The following INPP4A variants were observed in gnomAD, a reference collection of about 807,000 sequenced individuals.
The protein encoded by INPP4A is inositol polyphosphate-4-phosphatase, type I, 107kD.
INPP4A carries 33 observed loss-of-function variants against 119.8 expected under a neutral mutation model. The ratio of observed to expected loss-of-function variants is 0.28; its 90% CI spans 0.21 to 0.37. The LOEUF (loss-of-function observed/expected upper bound fraction) is 0.37. Among genes scored for constraint, INPP4A ranks in the 10% least tolerant of loss-of-function variants. The pLI, the probability that INPP4A is intolerant of heterozygous loss-of-function variation, is 1.00. For missense variants in INPP4A, 956 were observed against 1,289.9 expected, an observed-to-expected ratio of 0.74 and a Z score of 3.97; for synonymous variants, 496 against 500.7, an observed-to-expected ratio of 0.99 and a Z score of 0.12.
chr2:98,551,900 T>C (rs570936758), intron 13 of INPP4A, among the ~76,000 whole-genome samples: 27 of 152,346 alleles, frequency 1.8e-4, no homozygotes, highest in Non-Finnish European at 2.5e-4. Flanking sequence ...GGGATCAGGC[T>C]AAGAGACATG....
intron 3 of INPP4A, 131 bp downstream of exon 3, chr2:98,520,285 G>A: frequency 1.4e-6 from 1 of 714,676 alleles, no homozygotes; most frequent in Admixed American, 2.9e-5. Context: ...CCCTGGTTTG[G>A]CATCCTTCTG....
rs758050889 is a variant in INPP4A, at chr2:98,543,873, T to G, written c.819-4T>G. 1 of 1,613,616 alleles carries G rather than the reference T, an allele frequency of 6.2e-7. No homozygotes were observed. The highest frequency in any genetic ancestry group is 1.7e-5 in the Admixed American group (1 of 59,952). On this transcript the variant is annotated splice_region_variant and splice_polypyrimidine_tract_variant and intron_variant, in intron 10 of 24. Coordinates refer to ENST00000409851, the MANE Select transcript of INPP4A (RefSeq NM_001134225.2). ...AGCCTGATGCATCTGTGTCTTGCTT[T>G]CAGAGTGTGTGAGCTGGAGGAGCTG...
intron 1 of INPP4A, among the ~76,000 whole-genome samples, chr2:98,500,875 A>G (rs1682986830): frequency 6.6e-6 from 1 of 152,254 alleles, no homozygotes; most frequent in Non-Finnish European, 1.5e-5. Flanking sequence ...ACCTGACTCT[A>G]GTTTGGCCAA....
intron 24 of INPP4A, among the ~76,000 whole-genome samples, chr2:98,578,779 A>G (rs1698835418): frequency 6.6e-6 from 1 of 152,232 alleles, no homozygotes; most frequent in Non-Finnish European, 1.5e-5. Flanking sequence ...GGAAATACAG[A>G]TAAGCCCCTA....
chr2:98,474,733 A>G (rs1288051186), intron 1 of INPP4A, among the ~76,000 whole-genome samples: 1 of 152,260 alleles, frequency 6.6e-6, no homozygotes, highest in African/African-American at 2.4e-5. Flanking sequence ...AGTGAGGTGC[A>G]GGAATTTCAT....
intron 1 of INPP4A, among the ~76,000 whole-genome samples, chr2:98,501,544 A>G (rs1239129405): frequency 2.0e-5 from 3 of 146,916 alleles, no homozygotes; most frequent in Admixed American, 6.6e-5. Context: ...CCAGCCCCCC[A>G]TTCTCTGAAC....
chr2:98,473,724 A>T (rs1222258773), intron 1 of INPP4A, among the ~76,000 whole-genome samples: 1 of 152,156 alleles, frequency 6.6e-6, no homozygotes, highest in East Asian at 1.9e-4. Context: ...ACCCAGGGTC[A>T]CACAGCATTA....
chr2:98,563,412 C>G (rs1457624616), intron 17 of INPP4A, 53 bp from the exon 18 acceptor site: 2 of 1,536,864 alleles, frequency 1.3e-6, no homozygotes, highest in South Asian at 1.2e-5. Context: ...TTGCCAGAAC[C>G]TAATTCTTAA....
chr2:98,573,349 C>T (rs1281698308), intron 23 of INPP4A, among the ~76,000 whole-genome samples: 1 of 152,234 alleles, frequency 6.6e-6, no homozygotes, highest in African/African-American at 2.4e-5. Context: ...TTACCCTGCT[C>T]ATATTTTCTC....
intron 1 of INPP4A, among the ~76,000 whole-genome samples, chr2:98,473,898 C>T (rs1676669846): frequency 6.6e-6 from 1 of 152,184 alleles, no homozygotes; most frequent in African/African-American, 2.4e-5. Flanking sequence ...CACATAATTA[C>T]ATGCTATGAA....
At chr2:98,562,510 G>A (rs1695670632) in intron 17 of INPP4A, among the ~76,000 whole-genome samples, 1 of 152,196 alleles carries the variant, frequency 6.6e-6, no homozygotes, top group Admixed American at 6.5e-5. Flanking sequence ...GACATGGCCT[G>A]GCGCATTCTG....
intron 1 of INPP4A, among the ~76,000 whole-genome samples, chr2:98,503,272 G>A (rs1267716802): frequency 1.3e-5 from 2 of 152,176 alleles, no homozygotes; most frequent in Non-Finnish European, 2.9e-5. Flanking sequence ...AGATTGGTTT[G>A]AACAATTGAG....
chr2:98,562,492 C>T (rs927150757), intron 17 of INPP4A, among the ~76,000 whole-genome samples: 10 of 152,312 alleles, frequency 6.6e-5, no homozygotes, highest in Middle Eastern at 6.8e-3. Context: ...CCCTGAGTGC[C>T]GTGCCGGGAC....
chr2:98,479,246 G>A (rs887064778), intron 1 of INPP4A, among the ~76,000 whole-genome samples: 4 of 152,104 alleles, frequency 2.6e-5, no homozygotes, highest in Non-Finnish European at 5.9e-5. Flanking sequence ...GTGGGGAGGT[G>A]CTCCTGTCCC....
Position 98,538,803 on chromosome 2 carries a change from T to C in INPP4A, c.580-88T>C, listed in dbSNP as rs75577499. 901 of 747,612 alleles carry C rather than the reference T, an allele frequency of 1.2e-3. 10 individuals carry two copies. In the East Asian group the frequency reaches 0.015, roughly 12 times the overall value. The allele number at this position is 747,612 out of a possible 1,614,324, so 46.3% of individuals were successfully genotyped here. On this transcript the variant is annotated intron_variant, in intron 8 of 24. Coordinates refer to ENST00000409851, the MANE Select transcript of INPP4A (RefSeq NM_001134225.2). ...GATATTCATCTTAAGACTTCTGTTA[T>C]GATGTATTTAGGCCACTGTTTCTGC...
intron 24 of INPP4A, among the ~76,000 whole-genome samples, chr2:98,579,331 G>C (rs547372533): frequency 2.0e-4 from 31 of 152,282 alleles, no homozygotes; most frequent in African/African-American, 7.2e-4. Context: ...GATTACAGAC[G>C]TGAGCCACCA....
At position 98,552,950 on chromosome 2, in the gene INPP4A, T is replaced by A; in HGVS notation, c.1328T>A (p.Leu443His). ...TCTGCCACTGGCCTTGAGAGGACAC[T>A]CGCCATCTTGGCAGACAAGGTAGGA... ...DRSATGLERTLAILADKTRQL... is the reference protein window; with the variant it reads ...DRSATGLERTHAILADKTRQL... The change falls in exon 14 of 25, where the codon CTC becomes CAC. Residue 443 changes from leucine to histidine, a missense_variant. Coordinates refer to ENST00000409851, the MANE Select transcript of INPP4A (RefSeq NM_001134225.2). The A allele has an allele frequency of 3.7e-6, 6 of 1,611,784 alleles. No homozygotes were observed. The highest frequency in any genetic ancestry group is 5.1e-6 in the Non-Finnish European group (6 of 1,178,622).
rs183728412 is a variant in INPP4A at position 98,465,265 on chromosome 2, G to A, written c.-166+20180G>A. 1.2e-4 allele frequency among the ~76,000 whole-genome samples: 18 copies of A among 152,180 alleles called. No individual in the cohort carries two copies. The East Asian group carries it at 2.7e-3, about 23-fold the overall frequency. On this transcript the variant is annotated intron_variant, in intron 1 of 24. Transcript: ENST00000409851. ...CATTCTGTGGCTGCTGGCTTGCCTC[G>A]GCTGCCGGCCCCTTCCTCATCTTCA... is the stretch of plus-strand genomic sequence containing the variant.
intron 1 of INPP4A, among the ~76,000 whole-genome samples, chr2:98,500,015 G>A (rs143530216): frequency 0.011 from 1,630 of 152,174 alleles, 47 homozygotes; most frequent in African/African-American, 0.037. Flanking sequence ...TAATTCCGGG[G>A]GAAACCTTCC....
Sources: allele counts gnomAD v4.1 joint callset (sites outside exome capture counted in the v4.1 genomes callset), GRCh38; gene constraint gnomAD v4.1.1; transcripts MANE v1.5; gene names NCBI Gene and HGNC (gene_info 2026-07-23, HGNC 2026-07-21).